The following NBEA variants were observed in gnomAD, a reference collection of about 807,000 sequenced individuals.
NBEA encodes the protein lysosomal-trafficking regulator 2.
A neutral mutation model predicts 343.4 loss-of-function variants in NBEA; 44 were observed. The ratio of observed to expected loss-of-function variants is 0.13; its 90% CI spans 0.10 to 0.16. The LOEUF (loss-of-function observed/expected upper bound fraction) is 0.16, where lower values mean the gene tolerates loss of function less well. NBEA is among the 10% of genes least tolerant of loss of function. NBEA has a pLI of 1.00. For missense variants in NBEA, 2,555 were observed against 3,631.3 expected (o/e 0.70, Z 7.62); for synonymous variants, 1,175 against 1,238.7 (o/e 0.95, Z 1.08).
At position 35,668,315 on chromosome 13, in the gene NBEA, GTATTT is replaced by G. The variant is rs2085451998; in HGVS notation, c.8662-41_8662-37del. ...AAAAATTGAGAGAAATGGTTGTTGT[GTATTT>G]TATTTTATTTTGTTTTTTTTTGTTT... is the stretch of plus-strand genomic sequence containing the variant. On this transcript the variant is annotated intron_variant, in intron 57 of 58. Transcript: ENST00000379939. The G allele has an allele frequency of 7.3e-6, 11 of 1,512,622 alleles. No homozygotes were observed. In the South Asian group the frequency reaches 8.5e-5, roughly 12 times the overall value. The allele number at this position is 1,512,622 out of a possible 1,614,324, so 93.7% of individuals were successfully genotyped here.
chr13:35,177,665 A>G (rs1444062670), intron 28 of NBEA, among the ~76,000 whole-genome samples: 2 of 151,836 alleles, frequency 1.3e-5, no homozygotes, highest in Non-Finnish European at 3.0e-5. Flanking sequence ...AAATAAAAAT[A>G]AGATTGGCCT....
At chr13:35,093,247 C>A (rs2065174404) in intron 10 of NBEA, among the ~76,000 whole-genome samples, 1 of 150,456 alleles carries the variant, frequency 6.6e-6, no homozygotes, top group Admixed American at 6.6e-5. Context: ...TAGAACTGGG[C>A]TATATTTTGA....
chr13:35,520,274 GGATTTGAAGAGCATAATTTAACCTGGT>G (rs1470433535), intron 41 of NBEA, among the ~76,000 whole-genome samples: 1 of 152,134 alleles, frequency 6.6e-6, no homozygotes, highest in Non-Finnish European at 1.5e-5. Context: ...TTCTGTGACT[GGATTTGAAGAGCATAATTTAACCTGGT>G]GATTTGATTA....
chr13:35,200,416 TC>T (rs2072938645), intron 31 of NBEA, among the ~76,000 whole-genome samples: 2 of 148,330 alleles, frequency 1.3e-5, no homozygotes, highest in African/African-American at 4.9e-5. Flanking sequence ...AGTTTTAACT[TC>T]CTAGGATTTC....
chr13:35,521,655 A>G lies in NBEA; in HGVS notation c.6586-28822A>G, dbSNP rs2077719486. ...GAAACCCAAAAGTCACTGCAGGGAC[A>G]TTACAGAGACTGCAATTCACTGCTG... On this transcript the variant is annotated intron_variant, in intron 41 of 58. Coordinates refer to ENST00000379939, the MANE Select transcript of NBEA (RefSeq NM_001385012.1). Among the ~76,000 whole-genome samples, 7 of 152,296 alleles carry G rather than the reference A, an allele frequency of 4.6e-5. No homozygotes were observed. The South Asian group carries it at 1.5e-3, about 32-fold the overall frequency.
rs2274550 is a variant in NBEA, at chr13:35,655,736, C to A, written c.8349C>A (p.Asp2783Glu). The stretch of plus-strand genomic sequence containing the variant: ...GTGGGCGGCACCATATCATAGGAGA[C>A]AACCCTAACAGCAGTGAGTGTTTGT... ...YWSGRHHIIG[D>E]NPNSSDYPAP... is the part of the protein sequence containing the mutation. The change falls in exon 55 of 59, where the codon GAC (aspartate) becomes GAA (glutamate). Residue 2783 changes from aspartate (D) to glutamate (E), a missense_variant. Asp to Glu is a conservative substitution (Grantham distance 45). This residue lies in a region of NBEA where 186 missense variants were observed against 328.9 expected (regional missense o/e 0.57). Coordinates refer to ENST00000379939, the MANE Select transcript of NBEA (RefSeq NM_001385012.1). 1 of 1,612,894 alleles carries A rather than the reference C, an allele frequency of 6.2e-7. No homozygotes were observed. The highest frequency in any genetic ancestry group is 8.5e-7 in the Non-Finnish European group (1 of 1,179,366).
At chr13:35,118,730 T>C (rs920870845) in intron 16 of NBEA, among the ~76,000 whole-genome samples, 3 of 149,886 alleles carry the variant, frequency 2.0e-5, no homozygotes, top group Admixed American at 2.0e-4. Context: ...GAATAGAGCA[T>C]TTTTTTTTCC....
intron 17 of NBEA, among the ~76,000 whole-genome samples, chr13:35,130,004 G>A (rs753022203): frequency 6.6e-6 from 1 of 152,130 alleles, no homozygotes; most frequent in South Asian, 2.1e-4. Context: ...CATCTCTGAT[G>A]AATAGAGTGA....
intron 44 of NBEA, among the ~76,000 whole-genome samples, chr13:35,564,942 G>A (rs1040372955): frequency 2.6e-5 from 4 of 152,036 alleles, no homozygotes; most frequent in African/African-American, 9.7e-5. Context: ...CATTTATTGG[G>A]CAGATGGCAT....
At chr13:35,670,721 A>G (rs1219150647) in intron 58 of NBEA, among the ~76,000 whole-genome samples, 180 bp from the exon 59 acceptor site, 2 of 152,242 alleles carry the variant, frequency 1.3e-5, no homozygotes, top group Non-Finnish European at 2.9e-5. Context: ...TGCTCCTCTC[A>G]GCAGAACCAA....
chr13:35,080,618 A>G (rs2064343922), intron 10 of NBEA, among the ~76,000 whole-genome samples: 1 of 152,158 alleles, frequency 6.6e-6, no homozygotes, highest in Non-Finnish European at 1.5e-5. Flanking sequence ...GACTCATAGC[A>G]GTTTGGGTAT....
chr13:35,323,459 G>A (rs1054750763), intron 36 of NBEA, among the ~76,000 whole-genome samples: 46 of 150,508 alleles, frequency 3.1e-4, no homozygotes, highest in African/African-American at 8.8e-4. Context: ...GTAAACTATC[G>A]CAAGAACAAA....
intron 41 of NBEA, among the ~76,000 whole-genome samples, chr13:35,507,482 A>G (rs1305796747): frequency 6.6e-6 from 1 of 151,944 alleles, no homozygotes; most frequent in Non-Finnish European, 1.5e-5. Flanking sequence ...AGATAAACCA[A>G]ACTTACTTTG....
intron 36 of NBEA, among the ~76,000 whole-genome samples, chr13:35,330,825 T>A (rs2249809): frequency 0.16 from 23,736 of 151,972 alleles, 2,078 homozygotes; most frequent in East Asian, 0.23. Context: ...AAGTCTCTAG[T>A]GTCTTATTTT....
At chr13:35,518,855 C>T (rs1490564394) in intron 41 of NBEA, among the ~76,000 whole-genome samples, 1 of 152,116 alleles carries the variant, frequency 6.6e-6, no homozygotes, top group Non-Finnish European at 1.5e-5. Context: ...CAGGATACCT[C>T]ATAGAGGCTG....
At chr13:35,146,621 C>T (rs535246713) in intron 18 of NBEA, among the ~76,000 whole-genome samples, 14 of 152,112 alleles carry the variant, frequency 9.2e-5, no homozygotes, top group East Asian at 1.9e-4. Flanking sequence ...ACAGGTATTG[C>T]GCCTGTGTCA....
At chr13:35,142,198 T>C in intron 17 of NBEA, 71 bp from the exon 18 acceptor site, 1 of 902,526 alleles carries the variant, frequency 1.1e-6, no homozygotes, top group Admixed American at 2.0e-5. Context: ...TTGTTCTCTC[T>C]TATCTAAAAG....
chr13:35,333,451 A>T (rs2039055188), intron 36 of NBEA, among the ~76,000 whole-genome samples: 4 of 152,090 alleles, frequency 2.6e-5, no homozygotes, highest in African/African-American at 9.7e-5. Context: ...GGGGTACGAG[A>T]TGTTTTGATA....
At chr13:35,399,721 AC>A (rs1197786267) in intron 38 of NBEA, among the ~76,000 whole-genome samples, 51 of 152,110 alleles carry the variant, frequency 3.4e-4, no homozygotes, top group Non-Finnish European at 4.4e-5. Flanking sequence ...GGAGAAAGAG[AC>A]CTCGCTTTTG....
Sources: gnomAD v4.1 joint callset for allele counts (sites outside exome capture counted in the v4.1 genomes callset) on GRCh38, gnomAD v4.1.1 for gene constraint, gnomAD v4.1.1 regional missense constraint, MANE v1.5 for transcripts, NCBI Gene and HGNC (gene_info 2026-07-23, HGNC 2026-07-21) for gene names.